Variants in MAMLD1 observed in about 807,000 individuals in gnomAD.
MAMLD1 encodes the protein mastermind-like domain-containing protein 1.
MAMLD1 carries 14 observed loss-of-function variants against 45.0 expected under a neutral mutation model. The observed-to-expected ratio is 0.31, with a 90% CI of 0.21 to 0.49. MAMLD1 has a LOEUF of 0.49. Among genes scored for constraint, MAMLD1 ranks in the 20% least tolerant of loss-of-function variants. The pLI, the probability that MAMLD1 is intolerant of heterozygous loss-of-function variation, is 0.99. For missense variants in MAMLD1, 543 were observed against 603.6 expected (o/e 0.90, Z 1.05); for synonymous variants, 254 against 247.8 (o/e 1.02, Z -0.24).
intron 5 of MAMLD1, among the ~76,000 whole-genome samples, chrX:150,494,250 T>C (rs1603008226): frequency 1.8e-5 from 2 of 110,797 alleles, no homozygotes; most frequent in South Asian, 7.8e-4. Context: ...AAAAATTAGC[T>C]GGTCGTGGTG....
upstream of MAMLD1, among the ~76,000 whole-genome samples, chrX:150,361,867 C>A (rs1204553788): frequency 8.9e-6 from 1 of 112,862 alleles, no homozygotes; most frequent in Non-Finnish European, 1.9e-5. Context: ...CCTGCAGAAG[C>A]CGCAGGTGTC....
chrX:150,415,478 A>G (rs940610906), intron 1 of MAMLD1, among the ~76,000 whole-genome samples: 2 of 112,752 alleles, frequency 1.8e-5, no homozygotes, highest in East Asian at 2.8e-4. Context: ...TCTCTTTTCT[A>G]TACCTTTTCT....
In MAMLD1 at chrX:150,452,393, T is replaced by C. The variant is rs782201357; in HGVS notation, c.96+6781T>C. Among the ~76,000 whole-genome samples the C allele has an allele frequency of 3.3e-4, 37 of 110,887 alleles. 1 individual carries two copies. The highest frequency in any genetic ancestry group is 2.3e-3 in the East Asian group (8 of 3,507). ...AGGTGGGAAATGCATAGACCTAACATGGCAGCCTCAAGGTTGGCCATAGCA... is the reference window on the plus strand; with the variant it reads ...AGGTGGGAAATGCATAGACCTAACACGGCAGCCTCAAGGTTGGCCATAGCA... On this transcript the variant is annotated intron_variant, in intron 2 of 7. Coordinates refer to ENST00000370401, the MANE Select transcript of MAMLD1 (RefSeq NM_005491.5).
intron 2 of MAMLD1, among the ~76,000 whole-genome samples, chrX:150,457,347 A>G (rs1186575638): frequency 8.9e-6 from 1 of 111,745 alleles, no homozygotes; most frequent in Non-Finnish European, 1.9e-5. Context: ...TCTCCCTGCT[A>G]CTCTTCCATA....
In MAMLD1 at chrX:150,503,524, C is replaced by T. The variant is rs1443875110; in HGVS notation, c.2284+7C>T. On this transcript the variant is annotated splice_region_variant and intron_variant, in intron 6 of 7. Transcript: ENST00000370401. The stretch of plus-strand genomic sequence containing the variant: ...CCTAGCTGCGACGCCACAGGTAAGT[C>T]ACTTCCCCCTGAGCCTCGCTTTCCT... The T allele has an allele frequency of 2.9e-6, 3 of 1,023,029 alleles. No homozygotes were observed. The highest frequency in any genetic ancestry group is 2.7e-4 in the Middle Eastern group (1 of 3,755). 84.3% of individuals were successfully genotyped at this position (1,023,029 alleles called of 1,213,427 possible). A position where few individuals can be genotyped will look rare whatever the true frequency, so the allele number is the denominator to read the frequency against.
At chrX:150,465,513 G>A (rs1250599548) in intron 3 of MAMLD1, among the ~76,000 whole-genome samples, 1 of 111,950 alleles carries the variant, frequency 8.9e-6, no homozygotes, top group Non-Finnish European at 1.9e-5. Flanking sequence ...TGGTGGCTTT[G>A]TCTGCCGGAT....
Position 150,479,152 on chromosome X carries a change from G to A in MAMLD1, c.2040+5350G>A, listed in dbSNP as rs782746561. Among the ~76,000 whole-genome samples, 145 of 111,703 alleles carry A rather than the reference G, an allele frequency of 1.3e-3. 1 individual carries two copies. Among genetic ancestry groups the A allele is most frequent in the Non-Finnish European group, 1.4e-3 (74 of 53,144 alleles). ...AAGCTATTTTTCTTTTTCAAAAAGC[G>A]GAAATTTAAAATGAGCTGCTTGTTA... On this transcript the variant is annotated intron_variant, in intron 5 of 7. Transcript: ENST00000370401.
intron 1 of MAMLD1, among the ~76,000 whole-genome samples, chrX:150,407,833 A>G (rs2034033733): frequency 1.8e-5 from 2 of 112,744 alleles, no homozygotes; most frequent in South Asian, 7.3e-4. Flanking sequence ...CTCTGTTAGC[A>G]CATAGAGGTT....
intron 1 of MAMLD1, among the ~76,000 whole-genome samples, chrX:150,438,529 G>T (rs1203481462): frequency 8.9e-6 from 1 of 111,833 alleles, no homozygotes; most frequent in Non-Finnish European, 1.9e-5. Context: ...CCTCCCCTCA[G>T]TTCGTGGCAA....
chrX:150,459,695 T>C (rs782404400), intron 2 of MAMLD1, among the ~76,000 whole-genome samples: 1 of 110,548 alleles, frequency 9.0e-6, no homozygotes, highest in Non-Finnish European at 1.9e-5. Flanking sequence ...TAAAATGCAT[T>C]TGGAACTGTA....
chrX:150,401,719 G>T (rs372433999), intron 1 of MAMLD1, among the ~76,000 whole-genome samples: 2 of 111,098 alleles, frequency 1.8e-5, no homozygotes, highest in African/African-American at 6.5e-5. Flanking sequence ...GTACCAAAAC[G>T]GAGATATAGA....
At chrX:150,404,386 A>G (rs2033947801) in intron 1 of MAMLD1, among the ~76,000 whole-genome samples, 1 of 111,802 alleles carries the variant, frequency 8.9e-6, no homozygotes, top group Admixed American at 9.5e-5. Flanking sequence ...CTCACCCAGA[A>G]AGCTAAGAAA....
intron 2 of MAMLD1, among the ~76,000 whole-genome samples, 192 bp from the exon 3 acceptor site, chrX:150,462,580 C>A (rs1454592809): frequency 8.9e-6 from 1 of 112,145 alleles, no homozygotes; most frequent in Non-Finnish European, 1.9e-5. Flanking sequence ...TTGCTAGTCT[C>A]CCGCACTCCA....
intron 2 of MAMLD1, among the ~76,000 whole-genome samples, chrX:150,454,216 C>A (rs782615184): frequency 8.9e-6 from 1 of 112,336 alleles, no homozygotes; most frequent in Admixed American, 9.4e-5. Flanking sequence ...TAAACATGTT[C>A]TTGCCTCTTT....
chrX:150,492,223 G>C (rs1322708676), intron 5 of MAMLD1, among the ~76,000 whole-genome samples: 4 of 112,684 alleles, frequency 3.5e-5, no homozygotes, highest in African/African-American at 1.3e-4. Context: ...CCAAAATGCA[G>C]TCTGGAGAGC....
Position 150,432,907 on chromosome X carries a change from A to C in MAMLD1, c.-63-12547A>C, listed in dbSNP as rs782810372. ...TGCCTTGACTATTTCAGTTTCTTTT[A>C]GGTTCCATATGAATTTTATTTTTTT... On this transcript the variant is annotated intron_variant, in intron 1 of 7. Transcript: ENST00000370401. Among the ~76,000 whole-genome samples, 16 of 111,371 alleles carry C rather than the reference A, an allele frequency of 1.4e-4. No individual in the cohort carries two copies. In the Admixed American group the frequency reaches 1.5e-3, roughly 11 times the overall value.
At chrX:150,480,147 T>A (rs1426378307) in intron 5 of MAMLD1, among the ~76,000 whole-genome samples, 1 of 111,923 alleles carries the variant, frequency 8.9e-6, no homozygotes, top group Non-Finnish European at 1.9e-5. Context: ...CGAGTCTATT[T>A]GTACTTTTAG....
chrX:150,442,864 C>G (rs192616727), intron 1 of MAMLD1, among the ~76,000 whole-genome samples: 32 of 111,565 alleles, frequency 2.9e-4, no homozygotes, highest in African/African-American at 1.0e-3. Flanking sequence ...TTGTTAGTGT[C>G]TCTTGATCTG....
At position 150,470,150 on chromosome X, in the gene MAMLD1, G is replaced by A; in HGVS notation, c.577G>A (p.Glu193Lys). Residue 193 changes from glutamate to lysine, a missense_variant, in exon 4 of 8, where the codon GAG becomes AAG. Physicochemically the swap from Glu to Lys is moderately conservative, Grantham distance 56. Transcript: ENST00000370401. The stretch of plus-strand genomic sequence containing the variant: ...CAAAATTCAAGACCCTTCTCCAAAT[G>A]AGCTAGATCTTGAGAAGATACTGGG... ...LTKIQDPSPN[E>K]LDLEKILGTK... 1 of 1,211,748 alleles carries A rather than the reference G, an allele frequency of 8.3e-7. No homozygotes were observed.
Sources: gnomAD v4.1 joint callset for allele counts (sites outside exome capture counted in the v4.1 genomes callset) on GRCh38, gnomAD v4.1.1 for gene constraint, MANE v1.5 for transcripts, NCBI Gene and HGNC (gene_info 2026-07-23, HGNC 2026-07-21) for gene names.